Variants in ALPK2 observed in about 807,000 individuals in gnomAD.
ALPK2 encodes alpha kinase 2.
A neutral mutation model predicts 163.1 loss-of-function variants in ALPK2; 127 were observed. The ratio of observed to expected loss-of-function variants is 0.78; its 90% confidence interval spans 0.67 to 0.90. The LOEUF (loss-of-function observed/expected upper bound fraction) is 0.90. Ranked by LOEUF, ALPK2 falls within the 40% of genes least tolerant of loss-of-function variation. ALPK2 has a pLI of 0.00. For missense variants in ALPK2, 2,360 were observed against 2,589.6 expected (o/e 0.91, Z 1.92); for synonymous variants, 953 against 959.1 (o/e 0.99, Z 0.12).
rs183012717 is a variant in ALPK2, at chr18:58,529,339, A to T, written c.5354-101T>A. ...CTGAGAGACAGGAATATTAATTATT[A>T]TCCCCAATTATGGAAGTGAGAATTG... On this transcript the variant is annotated intron_variant, in intron 5 of 12. Coordinates refer to ENST00000361673, the MANE Select transcript of ALPK2 (RefSeq NM_052947.4). The T allele has an allele frequency of 3.9e-5, 48 of 1,244,596 alleles. No homozygotes were observed. In the African/African-American group the frequency reaches 5.0e-4, roughly 13 times the overall value. The allele number at this position is 1,244,596 out of a possible 1,614,324, so 77.1% of individuals were successfully genotyped here. A position where few individuals can be genotyped will look rare whatever the true frequency, so the allele number is the denominator to read the frequency against.
At chr18:58,489,231 G>A (rs1276095336) in intron 12 of ALPK2, among the ~76,000 whole-genome samples, 1 of 152,178 alleles carries the variant, frequency 6.6e-6, no homozygotes, top group Non-Finnish European at 1.5e-5. Context: ...GGTGTTCTGA[G>A]GGGAGATGCC....
At chr18:58,581,499 CT>C (rs528171408) in intron 3 of ALPK2, among the ~76,000 whole-genome samples, 77 of 152,318 alleles carry the variant, frequency 5.1e-4, no homozygotes, top group African/African-American at 1.8e-3. Flanking sequence ...GAACAGAATG[CT>C]GGATGGAACG....
chr18:58,501,902 TA>T (rs1487949435), intron 11 of ALPK2, among the ~76,000 whole-genome samples: 4 of 152,206 alleles, frequency 2.6e-5, no homozygotes, highest in Non-Finnish European at 5.9e-5. Flanking sequence ...TTGGTTTTGA[TA>T]ATGTACTATA....
At chr18:58,603,711 A>G (rs756062760) in intron 3 of ALPK2, among the ~76,000 whole-genome samples, 8 of 149,686 alleles carry the variant, frequency 5.3e-5, no homozygotes, top group Non-Finnish European at 8.9e-5. Flanking sequence ...AGAGACCACA[A>G]TTCCCCGTTT....
At chr18:58,551,870 A>T (rs550967346) in intron 4 of ALPK2, among the ~76,000 whole-genome samples, 1 of 152,318 alleles carries the variant, frequency 6.6e-6, no homozygotes, top group East Asian at 1.9e-4. Flanking sequence ...CCACTTCAGA[A>T]TGTTCTGATG....
intron 12 of ALPK2, among the ~76,000 whole-genome samples, chr18:58,492,712 G>C (rs1338570131): frequency 2.6e-5 from 4 of 152,246 alleles, no homozygotes; most frequent in Non-Finnish European, 5.9e-5. Context: ...AGGTCCTGGG[G>C]AATGGACTGG....
chr18:58,503,018 C>T (rs72950969), intron 11 of ALPK2, among the ~76,000 whole-genome samples: 18,460 of 152,292 alleles, frequency 0.12, 1,335 homozygotes, highest in Non-Finnish European at 0.17. Flanking sequence ...CCTTTCCTTC[C>T]CCAGTTGCAC....
At chr18:58,591,028 C>A (rs1341128627) in intron 3 of ALPK2, among the ~76,000 whole-genome samples, 1 of 152,154 alleles carries the variant, frequency 6.6e-6, no homozygotes, top group Non-Finnish European at 1.5e-5. Flanking sequence ...GAAACCATCT[C>A]TTTCATAGTT....
At chr18:58,619,326 G>C (rs189457734) in intron 1 of ALPK2, among the ~76,000 whole-genome samples, 1 of 150,430 alleles carries the variant, frequency 6.6e-6, no homozygotes, top group Admixed American at 6.6e-5. Flanking sequence ...TCTAAAGGTT[G>C]GTGTAAGAAG....
chr18:58,616,907 TG>T (rs1056670241), intron 1 of ALPK2, among the ~76,000 whole-genome samples: 42 of 150,744 alleles, frequency 2.8e-4, no homozygotes, highest in Non-Finnish European at 4.9e-4. Flanking sequence ...TCCGGGGGCT[TG>T]GGGGGTGGGT....
chr18:58,515,293 G>A (rs924651631), intron 9 of ALPK2, among the ~76,000 whole-genome samples: 6 of 152,040 alleles, frequency 3.9e-5, no homozygotes, highest in Admixed American at 1.3e-4. Context: ...TGTCCGGGTG[G>A]AGATCAAGTG....
At chr18:58,544,137 G>A (rs2051705444) in intron 4 of ALPK2, 1 of 152,188 alleles carries the variant, frequency 6.6e-6, no homozygotes. Context: ...GCAGATGAAT[G>A]AATACAGGAG....
chr18:58,611,573 A>T (rs1422040893), intron 2 of ALPK2, 116 bp downstream of exon 2: 1 of 938,338 alleles, frequency 1.1e-6, no homozygotes, highest in Non-Finnish European at 1.7e-6. Flanking sequence ...TTACACAGAA[A>T]AAAAAACTTC....
intron 3 of ALPK2, among the ~76,000 whole-genome samples, chr18:58,603,410 G>A (rs2052081609): frequency 6.6e-6 from 1 of 152,218 alleles, no homozygotes; most frequent in Non-Finnish European, 1.5e-5. Context: ...CCTGCCCGGT[G>A]CTCTATGGAC....
intron 4 of ALPK2, among the ~76,000 whole-genome samples, chr18:58,555,493 C>T (rs1353736326): frequency 1.3e-5 from 2 of 152,094 alleles, no homozygotes; most frequent in Non-Finnish European, 2.9e-5. Flanking sequence ...CCAAGCTGTC[C>T]GAAGGGAAAG....
At chr18:58,508,232 C>G (rs1398594804) in intron 10 of ALPK2, among the ~76,000 whole-genome samples, 1 of 151,752 alleles carries the variant, frequency 6.6e-6, no homozygotes, top group Non-Finnish European at 1.5e-5. Flanking sequence ...AAACAAACAA[C>G]AAAAAAAACC....
intron 3 of ALPK2, among the ~76,000 whole-genome samples, chr18:58,596,378 A>C: frequency 6.6e-6 from 1 of 152,240 alleles, no homozygotes; most frequent in South Asian, 2.1e-4. Context: ...CGAGGCAGCC[A>C]CTAGCAGGCA....
chr18:58,594,280 T>C (rs2052030653), intron 3 of ALPK2, among the ~76,000 whole-genome samples: 1 of 151,958 alleles, frequency 6.6e-6, no homozygotes, highest in Non-Finnish European at 1.5e-5. Context: ...GCAAACTGAT[T>C]TCAGAAAGGA....
intron 4 of ALPK2, among the ~76,000 whole-genome samples, chr18:58,542,992 T>C (rs2051697956): frequency 6.6e-6 from 1 of 152,196 alleles, no homozygotes; most frequent in Non-Finnish European, 1.5e-5. Flanking sequence ...TAAGAGGCGA[T>C]TGAATCATGG....
Sources: allele counts gnomAD v4.1 joint callset (sites outside exome capture counted in the v4.1 genomes callset), GRCh38; gene constraint gnomAD v4.1.1; transcripts MANE v1.5; gene names NCBI Gene and HGNC (gene_info 2026-07-23, HGNC 2026-07-21).